FNDC8: variants seen among roughly 807,000 people sequenced by gnomAD.
The protein encoded by FNDC8 is fibronectin type III domain containing 8.
Under a neutral mutation model 24.8 loss-of-function variants are expected in FNDC8, and 23 were observed. The ratio of observed to expected loss-of-function variants is 0.93; its 90% CI spans 0.67 to 1.31. The LOEUF (loss-of-function observed/expected upper bound fraction) is 1.31. FNDC8 is among the 40% of genes most tolerant of loss of function. The probability of loss-of-function intolerance (pLI) is 0.00; values close to 1 mark genes in which losing one functional copy is unlikely to be tolerated. For synonymous variants in FNDC8, 158 were observed against 165.3 expected (o/e 0.96, Z 0.34); for missense variants, 371 against 398.2 (o/e 0.93, Z 0.58).
chr17:35,128,583 T>A (rs2091858540), intron 2 of FNDC8, among the ~76,000 whole-genome samples: 1 of 152,190 alleles, frequency 6.6e-6, no homozygotes, highest in Admixed American at 6.5e-5. Flanking sequence ...GACCAGTCAC[T>A]TGCCCTCTCT....
In FNDC8 at chr17:35,130,360, CG is replaced by C. The variant is rs2091869492; in HGVS notation, c.903del (p.Gln302LysfsTer112). On this transcript the variant is annotated frameshift_variant, in exon 4 of 4. Transcript: ENST00000158009. LOFTEE classifies it high-confidence loss of function. The stretch of plus-strand genomic sequence containing the variant: ...GATCACCGTGCGGCGCAAGGAACCC[CG>C]GCAAAAGATCGTGTCCATCGGGCCG... ...IQITVRRKEP[R>X]QKIVSIGPEE... is the part of the protein sequence containing the mutation. The C allele has an allele frequency of 6.2e-7, 1 of 1,614,022 alleles. No homozygotes were observed.
In FNDC8 at chr17:35,129,604, C is replaced by T. The variant is rs749153121; in HGVS notation, c.768C>T (p.Leu256=). The T allele has an allele frequency of 1.2e-6, 2 of 1,614,046 alleles. No homozygotes were observed. Among genetic ancestry groups the T allele is most frequent in the East Asian group, 4.5e-5 (2 of 44,890 alleles). ...MELKPNTCYC[L]SVRAANTAGV... is the part of the protein sequence containing the mutation. ...TAAAGCCTAACACGTGTTACTGCCT[C>T]AGTGTCCGTGCAGCCAACACAGCTG... The change falls in exon 3 of 4, where the codon CTC becomes CTT. Residue 256 remains leucine, a synonymous_variant. Coordinates refer to ENST00000158009, the MANE Select transcript of FNDC8 (RefSeq NM_017559.4).
rs1446533208 is a variant in FNDC8, at chr17:35,127,151, A to G, written c.319A>G (p.Ser107Gly). The change falls in exon 2 of 4, where the codon AGC (serine) becomes GGC (glycine). Residue 107 changes from serine to glycine, a missense_variant. Coordinates refer to ENST00000158009, the MANE Select transcript of FNDC8 (RefSeq NM_017559.4). ...PIKLAVTQPN[S>G]SFFAGMLEGE... ...CAAATTAGCTGTGACCCAGCCCAACAGCAGCTTCTTTGCAGGGATGCTGGA... is the reference window on the plus strand; with the variant it reads ...CAAATTAGCTGTGACCCAGCCCAACGGCAGCTTCTTTGCAGGGATGCTGGA... 3.7e-6 allele frequency: 6 copies of G among 1,614,100 alleles called. No homozygotes were observed. Among genetic ancestry groups the G allele is most frequent in the Admixed American group, 1.7e-5 (1 of 60,006 alleles).
Position 35,121,919 on chromosome 17 carries a change from G to GTCCCTCCCTCCC in FNDC8, c.209+35_209+46dup, listed in dbSNP as rs747729554. On this transcript the variant is annotated intron_variant, in intron 1 of 3. Transcript: ENST00000158009. Reference sequence around the variant, plus strand: ...CAACCTACTGTAAGTCACAAATCTGGTCCCTCCCTCCCTCCCTCCCTCCCT... The same window carrying GTCCCTCCCTCCC: ...CAACCTACTGTAAGTCACAAATCTGGTCCCTCCCTCCCTCCCTCCCTCCCTCCCTCCCTCCCT... The GTCCCTCCCTCCC allele has an allele frequency of 3.7e-5, 58 of 1,578,596 alleles. No individual in the cohort carries two copies. The East Asian group carries it at 6.4e-4, about 17-fold the overall frequency.
intron 1 of FNDC8, 138 bp from the exon 2 acceptor site, chr17:35,126,904 T>A: frequency 9.5e-7 from 1 of 1,050,654 alleles, no homozygotes; most frequent in East Asian, 2.4e-5. Context: ...AATGCAATGC[T>A]ATAGAGCAAT....
chr17:35,124,398 G>A (rs982247192), intron 1 of FNDC8, among the ~76,000 whole-genome samples: 2 of 152,082 alleles, frequency 1.3e-5, no homozygotes, highest in Non-Finnish European at 2.9e-5. Flanking sequence ...CATGGTGGCC[G>A]CACCTGTAGT....
At chr17:35,123,768 A>C (rs750636758) in intron 1 of FNDC8, among the ~76,000 whole-genome samples, 5 of 152,032 alleles carry the variant, frequency 3.3e-5, no homozygotes, top group African/African-American at 4.8e-5. Context: ...AACAAAAAAA[A>C]AAACAGATCA....
Position 35,129,481 on chromosome 17 carries a change from G to T in FNDC8, c.645G>T (p.Gln215His). 6.2e-7 allele frequency: 1 copy of T among 1,614,242 alleles called. No individual in the cohort carries two copies. Among genetic ancestry groups the T allele is most frequent in the Non-Finnish European group, 8.5e-7 (1 of 1,180,040 alleles). Residue 215 changes from glutamine (Q) to histidine (H), a missense_variant, in exon 3 of 4, where the codon CAG (glutamine) becomes CAT (histidine). Coordinates refer to ENST00000158009, the MANE Select transcript of FNDC8 (RefSeq NM_017559.4). ...QPVSFYQLLLQEVAKTQENEL... is the reference protein window; with the variant it reads ...QPVSFYQLLLHEVAKTQENEL... ...TCAGTTTCTACCAGCTCCTGTTACA[G>T]GAGGTGGCCAAGACACAGGAGAATG...
Position 35,121,709 on chromosome 17 carries a change from C to T in FNDC8, c.16C>T (p.Leu6Phe). The T allele has an allele frequency of 6.2e-7, 1 of 1,614,046 alleles. No individual in the cohort carries two copies. The highest frequency in any genetic ancestry group is 8.5e-7 in the Non-Finnish European group (1 of 1,180,018). The change falls in exon 1 of 4, where the codon CTC becomes TTC. Residue 6 changes from leucine to phenylalanine, a missense_variant. By Grantham distance (22) the Leu-to-Phe change is conservative. Transcript: ENST00000158009. Reference protein sequence around the residue: MASEALHQVGDGEEAV... With the variant: MASEAFHQVGDGEEAV... ...AACAAATCAGATGGCATCAGAGGCA[C>T]TCCATCAAGTGGGAGATGGGGAGGA... is the stretch of plus-strand genomic sequence containing the variant.
At position 35,127,301 on chromosome 17, in the gene FNDC8, GACA is replaced by G. The variant is rs2091853267; in HGVS notation, c.472_474del (p.Asn158del). The G allele has an allele frequency of 4.3e-6, 7 of 1,614,078 alleles. No individual in the cohort carries two copies. The highest frequency in any genetic ancestry group is 5.9e-6 in the Non-Finnish European group (7 of 1,179,970). On this transcript the variant is annotated inframe_deletion, in exon 2 of 4. Coordinates refer to ENST00000158009, the MANE Select transcript of FNDC8 (RefSeq NM_017559.4). Reference sequence around the variant, plus strand: ...GGCCACAAGGGGCCTGCTGGACCTTGACAACCCTGAGCTGGAGACAGAAACCTC... The same window carrying G: ...GGCCACAAGGGGCCTGCTGGACCTTGACCCTGAGCTGGAGACAGAAACCTC...
chr17:35,126,229 G>A (rs2091848670), intron 1 of FNDC8, among the ~76,000 whole-genome samples: 1 of 151,906 alleles, frequency 6.6e-6, no homozygotes, highest in South Asian at 2.1e-4. Context: ...GCCCATATAT[G>A]TATTTGTATT....
In FNDC8 at chr17:35,129,636, G is replaced by T. The variant is rs761148758; in HGVS notation, c.800G>T (p.Gly267Val). The T allele has an allele frequency of 1.2e-6, 2 of 1,614,048 alleles. No homozygotes were observed. Among genetic ancestry groups the T allele is most frequent in the South Asian group, 2.2e-5 (2 of 91,076 alleles). Reference sequence around the variant, plus strand: ...CGTGCAGCCAACACAGCTGGGGTGGGGAAGTGGTGCAAGCCCTACAAAGTG... The same window carrying T: ...CGTGCAGCCAACACAGCTGGGGTGGTGAAGTGGTGCAAGCCCTACAAAGTG... ...SVRAANTAGV[G>V]KWCKPYKFAT... is the part of the protein sequence containing the mutation. The change falls in exon 3 of 4, where the codon GGG (glycine) becomes GTG (valine). Residue 267 changes from glycine (G) to valine (V), a missense_variant. Gly to Val is a moderately radical substitution (Grantham distance 109, BLOSUM62 -3). Coordinates refer to ENST00000158009, the MANE Select transcript of FNDC8 (RefSeq NM_017559.4).
At chr17:35,126,383 A>G (rs1157134800) in intron 1 of FNDC8, among the ~76,000 whole-genome samples, 1 of 152,016 alleles carries the variant, frequency 6.6e-6, no homozygotes, top group Non-Finnish European at 1.5e-5. Context: ...ACCCCAGTAG[A>G]TCTTTGTGGT....
At chr17:35,125,166 A>T (rs1288639902) in intron 1 of FNDC8, among the ~76,000 whole-genome samples, 1 of 152,038 alleles carries the variant, frequency 6.6e-6, no homozygotes, top group East Asian at 1.9e-4. Context: ...AAATATCCAT[A>T]TAGGCCGGGC....
intron 1 of FNDC8, among the ~76,000 whole-genome samples, chr17:35,126,551 G>A (rs1326352024): frequency 1.4e-5 from 2 of 141,924 alleles, no homozygotes; most frequent in African/African-American, 5.3e-5. Context: ...CACCCAGGCT[G>A]GAGTGCAGTG....
At chr17:35,129,090 C>A in intron 2 of FNDC8, 1 of 241,744 alleles carries the variant, frequency 4.1e-6, no homozygotes. Flanking sequence ...GCTTGCTCGC[C>A]CACCAATCTC....
chr17:35,129,517 G>A lies in FNDC8; in HGVS notation c.681G>A (p.Glu227=), dbSNP rs959096329. Residue 227 remains glutamate (E), a synonymous_variant, in exon 3 of 4, where the codon GAG becomes GAA. Transcript: ENST00000158009. ...AGACACAGGAGAATGAGTTGCCCGA[G>A]GCAAAGAATCGTCCATGGATCTTCA... ...VAKTQENELP[E]AKNRPWIFNK... The A allele has an allele frequency of 6.2e-7, 1 of 1,614,196 alleles. No homozygotes were observed.
At chr17:35,124,718 T>C (rs2091842311) in intron 1 of FNDC8, among the ~76,000 whole-genome samples, 1 of 152,018 alleles carries the variant, frequency 6.6e-6, no homozygotes. Context: ...AAGCCAAACT[T>C]TTTGGCTTGG....
At chr17:35,129,133 A>C in intron 2 of FNDC8, 1 of 348,540 alleles carries the variant, frequency 2.9e-6, no homozygotes. Flanking sequence ...CTAACAGGCC[A>C]TGGACTGCTA....
Sources: allele counts gnomAD v4.1 joint callset (sites outside exome capture counted in the v4.1 genomes callset), GRCh38; gene constraint gnomAD v4.1.1; transcripts MANE v1.5; gene names NCBI Gene and HGNC (gene_info 2026-07-23, HGNC 2026-07-21).